The following PYGO1 variants were observed in gnomAD, a reference collection of about 807,000 sequenced individuals.
PYGO1 encodes pygopus homolog 1.
A neutral mutation model predicts 29.5 loss-of-function variants in PYGO1; 6 were observed. The observed-to-expected ratio is 0.20, with a 90% CI of 0.11 to 0.40. The LOEUF (loss-of-function observed/expected upper bound fraction) is 0.40, where lower values mean the gene tolerates loss of function less well. Ranked by LOEUF, PYGO1 falls within the 10% of genes least tolerant of loss-of-function variation. PYGO1 has a pLI of 1.00. For synonymous variants in PYGO1, 186 were observed against 180.5 expected (o/e 1.03, Z -0.24); for missense variants, 515 against 514.9 (o/e 1.00, Z 0.00).
At chr15:55,552,046 C>T (rs2058881039) in intron 1 of PYGO1, among the ~76,000 whole-genome samples, 1 of 151,848 alleles carries the variant, frequency 6.6e-6, no homozygotes, top group South Asian at 2.1e-4. Context: ...AAGGAGGGGT[C>T]AAGGTGGCTG....
upstream of PYGO1, chr15:55,588,801 T>C (rs202199749): frequency 6.5e-5 from 105 of 1,613,560 alleles, no homozygotes; most frequent in African/African-American, 1.1e-3. Context: ...AAGATGAACG[T>C]ACCATGCGAG....
chr15:55,546,859 G>C lies in PYGO1; in HGVS notation c.424C>G (p.Arg142Gly), dbSNP rs199862482. 3 of 1,613,922 alleles carry C rather than the reference G, an allele frequency of 1.9e-6. No homozygotes were observed. In the Admixed American group the frequency reaches 5.0e-5, roughly 27 times the overall value. Residue 142 changes from arginine to glycine, a missense_variant, in exon 3 of 3, where the codon CGA becomes GGA. Arg to Gly is a moderately radical substitution (Grantham distance 125, BLOSUM62 -2). Transcript: ENST00000563719. The stretch of plus-strand genomic sequence containing the variant: ...GGCCCAAAGTTAAAAGCATGAGGTC[G>C]ATTAAAACCCATGCCCAGAGGATTC... ...PQNPLGMGFNRPHAFNFGPHD... is the reference protein window; with the variant it reads ...PQNPLGMGFNGPHAFNFGPHD...
chr15:55,581,099 T>C (rs539059594), intron 1 of PYGO1, among the ~76,000 whole-genome samples: 1 of 152,300 alleles, frequency 6.6e-6, no homozygotes, highest in African/African-American at 2.4e-5. Flanking sequence ...ATAAACACTA[T>C]GATAGAGATA....
intron 1 of PYGO1, among the ~76,000 whole-genome samples, chr15:55,553,913 C>A (rs1003273502): frequency 6.6e-6 from 1 of 152,078 alleles, no homozygotes; most frequent in African/African-American, 2.4e-5. Context: ...AGCAGACCCC[C>A]AGCAAACTGC....
intron 1 of PYGO1, among the ~76,000 whole-genome samples, chr15:55,584,968 A>G (rs1341759086): frequency 6.6e-6 from 1 of 152,220 alleles, no homozygotes; most frequent in East Asian, 1.9e-4. Flanking sequence ...TTAAAGATGC[A>G]GAAGTCCCAA....
rs796294888 is a variant in PYGO1 at position 55,574,884 on chromosome 15, A to G, written c.49+12951T>C. 2.0e-4 allele frequency among the ~76,000 whole-genome samples: 31 copies of G among 152,320 alleles called. 1 individual carries two copies. Among genetic ancestry groups the G allele is most frequent in the African/African-American group, 7.0e-4 (29 of 41,558 alleles). On this transcript the variant is annotated intron_variant, in intron 1 of 2. Transcript: ENST00000563719. ...TTTCAACAGTTAATTAACAATTAAAAGACAAAAACTAAGAAAATTTCCACA... is the reference window on the plus strand; with the variant it reads ...TTTCAACAGTTAATTAACAATTAAAGGACAAAAACTAAGAAAATTTCCACA...
At chr15:55,578,123 G>A (rs1039321366) in intron 1 of PYGO1, among the ~76,000 whole-genome samples, 2 of 151,842 alleles carry the variant, frequency 1.3e-5, no homozygotes, top group Non-Finnish European at 2.9e-5. Context: ...AGCTTCTTTC[G>A]TTTAGCATAA....
At chr15:55,586,395 G>C (rs1213212202) in intron 1 of PYGO1, among the ~76,000 whole-genome samples, 3 of 152,134 alleles carry the variant, frequency 2.0e-5, no homozygotes, top group Non-Finnish European at 2.9e-5. Context: ...AAAAGCCAAA[G>C]TCTTTTAAAT....
intron 1 of PYGO1, among the ~76,000 whole-genome samples, chr15:55,574,720 C>A (rs1005668132): frequency 6.6e-6 from 1 of 151,822 alleles, no homozygotes; most frequent in African/African-American, 2.4e-5. Context: ...ATAAAGATAT[C>A]TTTATAAGGA....
intron 1 of PYGO1, among the ~76,000 whole-genome samples, chr15:55,557,759 T>C (rs544241234): frequency 2.0e-5 from 3 of 152,278 alleles, no homozygotes; most frequent in East Asian, 1.9e-4. Flanking sequence ...ATTATCTCAA[T>C]AGATGCCGCA....
At chr15:55,575,333 C>A (rs928979164) in intron 1 of PYGO1, among the ~76,000 whole-genome samples, 2 of 152,164 alleles carry the variant, frequency 1.3e-5, no homozygotes, top group African/African-American at 4.8e-5. Flanking sequence ...GGTCCATCAA[C>A]CACACACTGA....
intron 1 of PYGO1, among the ~76,000 whole-genome samples, chr15:55,557,536 A>C (rs1419909770): frequency 6.6e-6 from 1 of 152,186 alleles, no homozygotes; most frequent in African/African-American, 2.4e-5. Context: ...CAGAGACACA[A>C]CAAAAAAAGA....
At chr15:55,580,847 G>T (rs746583146) in intron 1 of PYGO1, among the ~76,000 whole-genome samples, 1 of 152,174 alleles carries the variant, frequency 6.6e-6, no homozygotes, top group Non-Finnish European at 1.5e-5. Context: ...AATGTCAGAA[G>T]ACAGAACTGT....
At chr15:55,578,122 C>T (rs750748307) in intron 1 of PYGO1, among the ~76,000 whole-genome samples, 3 of 152,118 alleles carry the variant, frequency 2.0e-5, no homozygotes, top group African/African-American at 7.2e-5. Flanking sequence ...TAGCTTCTTT[C>T]GTTTAGCATA....
rs1323547563 is a variant in PYGO1 at position 55,540,022 on chromosome 15, T to C, written c.*6001A>G. ...CAAATTTGCATTGGCCAAGTATTAC[T>C]TATTACAATTCTTTTGGGTACTTGT... On this transcript the variant is annotated 3_prime_UTR_variant, in exon 3 of 3. Transcript: ENST00000563719. 1.3e-5 allele frequency: 2 copies of C among 152,138 alleles called. No homozygotes were observed. Among genetic ancestry groups the C allele is most frequent in the African/African-American group, 4.8e-5 (2 of 41,462 alleles). 9.4% of individuals were successfully genotyped at this position (152,138 alleles called of 1,614,324 possible).
intron 1 of PYGO1, among the ~76,000 whole-genome samples, chr15:55,555,810 G>C (rs1394072196): frequency 6.6e-6 from 1 of 151,928 alleles, no homozygotes; most frequent in Non-Finnish European, 1.5e-5. Context: ...ACACACATAG[G>C]CTCAAAATAA....
chr15:55,569,174 G>A (rs977383276), intron 1 of PYGO1, among the ~76,000 whole-genome samples: 1 of 151,924 alleles, frequency 6.6e-6, no homozygotes, highest in African/African-American at 2.4e-5. Flanking sequence ...ATTGGTACCA[G>A]CTCTTCTCTT....
At chr15:55,574,007 C>T (rs538193404) in intron 1 of PYGO1, among the ~76,000 whole-genome samples, 1 of 152,284 alleles carries the variant, frequency 6.6e-6, no homozygotes, top group South Asian at 2.1e-4. Flanking sequence ...CGGTATATAT[C>T]AAGCAATTCA....
At chr15:55,556,902 C>T (rs1346370916) in intron 1 of PYGO1, among the ~76,000 whole-genome samples, 1 of 151,152 alleles carries the variant, frequency 6.6e-6, no homozygotes, top group Non-Finnish European at 1.5e-5. Context: ...AAAACTGGAA[C>T]AAATAAATTC....
Sources: allele counts gnomAD v4.1 joint callset (sites outside exome capture counted in the v4.1 genomes callset), GRCh38; gene constraint gnomAD v4.1.1; transcripts MANE v1.5; gene names NCBI Gene and HGNC (gene_info 2026-07-23, HGNC 2026-07-21).